BEAN1: variants seen among roughly 807,000 people sequenced by gnomAD.
The protein encoded by BEAN1 is brain expressed associated with NEDD4 1.
A neutral mutation model predicts 17.7 loss-of-function variants in BEAN1; 17 were observed. That is an observed-to-expected ratio of 0.96 (90% CI 0.66 to 1.44). The LOEUF (loss-of-function observed/expected upper bound fraction) is 1.44, where lower values mean the gene tolerates loss of function less well. Among genes scored for constraint, BEAN1 ranks in the 40% most tolerant of loss-of-function variants. BEAN1 has a pLI of 0.00. For synonymous variants in BEAN1, 142 were observed against 151.8 expected (o/e 0.94, Z 0.47); for missense variants, 359 against 374.1 (o/e 0.96, Z 0.33).
chr16:66,477,810 G>A (rs529444676), intron 4 of BEAN1, 100 bp downstream of exon 4: 26 of 1,299,252 alleles, frequency 2.0e-5, no homozygotes, highest in Admixed American at 6.4e-5. Context: ...TCTGCATGTC[G>A]TATAAATGCA....
chr16:66,438,705 C>A (rs770727381), intron 2 of BEAN1, among the ~76,000 whole-genome samples: 15 of 152,152 alleles, frequency 9.9e-5, no homozygotes, highest in Non-Finnish European at 1.8e-4. Flanking sequence ...GACTTCTCCC[C>A]TAGTCTCCAC....
chr16:66,487,509 C>G (rs1483862874), downstream of BEAN1, among the ~76,000 whole-genome samples: 1 of 152,160 alleles, frequency 6.6e-6, no homozygotes, highest in East Asian at 1.9e-4. Context: ...CTGCCAGTCA[C>G]ACAGACTTGA....
chr16:66,478,288 A>G (rs1348827953), intron 4 of BEAN1, among the ~76,000 whole-genome samples: 1 of 152,126 alleles, frequency 6.6e-6, no homozygotes, highest in African/African-American at 2.4e-5. Context: ...CTGCTTCTCC[A>G]TTGTGGAAAT....
chr16:66,475,146 G>T (rs1656877310), intron 3 of BEAN1, among the ~76,000 whole-genome samples: 1 of 152,192 alleles, frequency 6.6e-6, no homozygotes, highest in African/African-American at 2.4e-5. Context: ...GGACTATTTG[G>T]ATCTGTGCCG....
At chr16:66,440,845 G>T (rs1258466428) in intron 2 of BEAN1, among the ~76,000 whole-genome samples, 1 of 152,182 alleles carries the variant, frequency 6.6e-6, no homozygotes, top group East Asian at 1.9e-4. Flanking sequence ...CTCTAGGCCA[G>T]CTTTGCTTGA....
rs577110965 is a variant in BEAN1 at position 66,480,935 on chromosome 16, C to T, written c.*10C>T. 23 of 1,432,952 alleles carry T rather than the reference C, an allele frequency of 1.6e-5. No homozygotes were observed. Among genetic ancestry groups the T allele is most frequent in the Non-Finnish European group, 1.9e-5 (21 of 1,086,476 alleles). The allele number at this position is 1,432,952 out of a possible 1,614,324, so 88.8% of individuals were successfully genotyped here. A position where few individuals can be genotyped will look rare whatever the true frequency, so the allele number is the denominator to read the frequency against. ...AGAGAGGATTGTGTGAGGGACCCAG[C>T]CAGCCGGGTCCTGCTGGTCCCTACA... On this transcript the variant is annotated 3_prime_UTR_variant, in exon 5 of 5. Transcript: ENST00000536005.
chr16:66,476,016 A>C (rs1278273880), intron 3 of BEAN1: 1 of 151,822 alleles, frequency 6.6e-6, no homozygotes, highest in Non-Finnish European at 1.5e-5. Flanking sequence ...AGGCTGAGGC[A>C]GGAGAATGGC....
intron 3 of BEAN1, among the ~76,000 whole-genome samples, chr16:66,474,561 G>GGAGA (rs1275567472): frequency 9.8e-6 from 1 of 102,406 alleles, no homozygotes; most frequent in African/African-American, 4.4e-5. Context: ...AGGGAGAGAG[G>GGAGA]GAGGGAGAGA....
At chr16:66,450,045 AC>A (rs1233223042) in intron 2 of BEAN1, among the ~76,000 whole-genome samples, 1 of 152,232 alleles carries the variant, frequency 6.6e-6, no homozygotes, top group Non-Finnish European at 1.5e-5. Flanking sequence ...AAAACACTGA[AC>A]TAAATAGTGT....
At chr16:66,453,342 TACACACACACACACAC>T (rs34867737) in intron 2 of BEAN1, among the ~76,000 whole-genome samples, 14 of 147,634 alleles carry the variant, frequency 9.5e-5, no homozygotes, top group African/African-American at 3.0e-4. Flanking sequence ...CATTCTGTTA[TACACACACACACACAC>T]ACACACACAC....
At position 66,438,263 on chromosome 16, in the gene BEAN1, A is replaced by G. The variant is rs181009139; in HGVS notation, c.25+562A>G. Among the ~76,000 whole-genome samples the G allele has an allele frequency of 4.5e-3, 681 of 152,162 alleles. 5 individuals carry two copies. Among genetic ancestry groups the G allele is most frequent in the African/African-American group, 0.015 (616 of 41,500 alleles). ...GCTGGGCATGGTGGTGGGCGCCTGT[A>G]ATCCCAGCTACTCAGGAAGCTGAGG... On this transcript the variant is annotated intron_variant, in intron 2 of 4. Coordinates refer to ENST00000536005, the MANE Select transcript of BEAN1 (RefSeq NM_001178020.3).
intron 3 of BEAN1, 71 bp downstream of exon 3, chr16:66,469,936 A>T (rs1344575485): frequency 6.7e-7 from 1 of 1,493,326 alleles, no homozygotes; most frequent in African/African-American, 1.4e-5. Context: ...GGCATCAAGG[A>T]GTTGGCAACT....
At chr16:66,477,770 C>T in intron 4 of BEAN1, 60 bp downstream of exon 4, 1 of 1,428,050 alleles carries the variant, frequency 7.0e-7, no homozygotes, top group Non-Finnish European at 9.3e-7. Flanking sequence ...ACAAAGACCC[C>T]CCAACTCCAT....
intron 2 of BEAN1, among the ~76,000 whole-genome samples, chr16:66,454,626 G>T (rs1454087122): frequency 2.0e-5 from 3 of 151,410 alleles, no homozygotes; most frequent in Admixed American, 1.3e-4. Flanking sequence ...TGTGTTTCTT[G>T]CAGTCAGCAT....
intron 4 of BEAN1, among the ~76,000 whole-genome samples, chr16:66,490,457 T>TAAAATAACATAAA (rs1964160597): frequency 9.9e-6 from 1 of 100,636 alleles, no homozygotes; most frequent in Non-Finnish European, 2.0e-5. Context: ...AATAAAATAA[T>TAAAATAACATAAA]AAAATAAAAA....
intron 2 of BEAN1, among the ~76,000 whole-genome samples, chr16:66,466,651 C>T (rs537667616): frequency 9.9e-5 from 15 of 152,260 alleles, no homozygotes; most frequent in Admixed American, 2.6e-4. Flanking sequence ...CTGCAACCTC[C>T]GCCTCCCAGG....
At chr16:66,438,757 C>G (rs1440800206) in intron 2 of BEAN1, among the ~76,000 whole-genome samples, 2 of 152,168 alleles carry the variant, frequency 1.3e-5, no homozygotes, top group Non-Finnish European at 2.9e-5. Flanking sequence ...GGGCCCCTTT[C>G]ACTTCTCCCA....
chr16:66,449,948 T>G (rs1030101963), intron 2 of BEAN1, among the ~76,000 whole-genome samples: 2 of 152,238 alleles, frequency 1.3e-5, no homozygotes, highest in Non-Finnish European at 1.5e-5. Context: ...AGACATTATG[T>G]AATTTATTAC....
intron 3 of BEAN1, 57 bp from the exon 4 acceptor site, chr16:66,477,503 T>C (rs1963796539): frequency 1.4e-6 from 2 of 1,458,756 alleles, no homozygotes; most frequent in South Asian, 2.8e-5. Context: ...TACAGACCCA[T>C]AAGGACCATC....
Sources: gnomAD v4.1 joint callset for allele counts (sites outside exome capture counted in the v4.1 genomes callset) on GRCh38, gnomAD v4.1.1 for gene constraint, MANE v1.5 for transcripts, NCBI Gene and HGNC (gene_info 2026-07-23, HGNC 2026-07-21) for gene names.